Variants in CREM observed in about 807,000 individuals in gnomAD.
CREM encodes the protein cAMP-responsive element modulator.
CREM carries 13 observed loss-of-function variants against 37.3 expected under a neutral mutation model. The ratio of observed to expected loss-of-function variants is 0.35; its 90% confidence interval spans 0.23 to 0.55. The LOEUF is 0.55. CREM is among the 20% of genes least tolerant of loss of function. The pLI is 0.88. For synonymous variants in CREM, 124 were observed against 120.2 expected (o/e 1.03, Z -0.21); for missense variants, 296 against 362.3 (o/e 0.82, Z 1.49).
At chr10:35,163,711 C>T (rs2093403117) in intron 3 of CREM, among the ~76,000 whole-genome samples, 1 of 152,074 alleles carries the variant, frequency 6.6e-6, no homozygotes, top group Admixed American at 6.5e-5. Flanking sequence ...ATCCCAGCTA[C>T]TCGGGAGGCT....
intron 6 of CREM, among the ~76,000 whole-genome samples, chr10:35,201,245 A>G (rs2095374240): frequency 6.6e-6 from 1 of 152,182 alleles, no homozygotes; most frequent in South Asian, 2.1e-4. Flanking sequence ...GGGGAAATGT[A>G]TTTATGGATG....
rs1589084634 is a variant in CREM at position 35,126,985 on chromosome 10, G to C, written c.-263G>C. 6.6e-6 allele frequency: 1 copy of C among 152,506 alleles called. No individual in the cohort carries two copies. The highest frequency in any genetic ancestry group is 2.1e-4 in the South Asian group (1 of 4,840). 9.4% of individuals were successfully genotyped at this position (152,506 alleles called of 1,614,324 possible). A position where few individuals can be genotyped will look rare whatever the true frequency, so the allele number is the denominator to read the frequency against. On this transcript the variant is annotated 5_prime_UTR_variant, in exon 1 of 8. Transcript: ENST00000685392. ...AGGACGGGGCGGGAGGACGCGGTTC[G>C]GTCGGCTGCAGCGCTACTTTTGGTC...
At chr10:35,143,678 G>A (rs1240459296) in intron 2 of CREM, among the ~76,000 whole-genome samples, 1 of 152,176 alleles carries the variant, frequency 6.6e-6, no homozygotes, top group Non-Finnish European at 1.5e-5. Flanking sequence ...CTGGAGGTGA[G>A]TAGATGATTA....
In CREM at chr10:35,163,435, A is replaced by G. The variant is rs192135529; in HGVS notation, c.168+14944A>G. On this transcript the variant is annotated intron_variant, in intron 3 of 7. Coordinates refer to ENST00000685392, the MANE Select transcript of CREM (RefSeq NM_183011.2). ...ATGATGGCTCATGCCTGTAATCCCAACACTTTGGGAGGCCGAGATGAGATG... is the reference window on the plus strand; with the variant it reads ...ATGATGGCTCATGCCTGTAATCCCAGCACTTTGGGAGGCCGAGATGAGATG... 5.3e-5 allele frequency among the ~76,000 whole-genome samples: 8 copies of G among 151,398 alleles called. No homozygotes were observed. In the East Asian group the frequency reaches 1.4e-3, roughly 26 times the overall value.
At chr10:35,188,160 T>A in intron 5 of CREM, 40 bp from the exon 6 acceptor site, 1 of 1,556,292 alleles carries the variant, frequency 6.4e-7, no homozygotes, top group Non-Finnish European at 8.7e-7. Flanking sequence ...TAAAAATAAA[T>A]CTTGAAATTC....
chr10:35,202,670 T>C (rs888454976), intron 6 of CREM, among the ~76,000 whole-genome samples: 2 of 152,372 alleles, frequency 1.3e-5, no homozygotes, highest in South Asian at 2.1e-4. Flanking sequence ...TGGGATATTA[T>C]AGAAATTTAT....
At chr10:35,158,797 T>TG (rs1373390258) in intron 3 of CREM, among the ~76,000 whole-genome samples, 2 of 130,858 alleles carry the variant, frequency 1.5e-5, no homozygotes, top group Admixed American at 7.6e-5. Context: ...GCAAATATAG[T>TG]GTTTTTTTTT....
At chr10:35,170,129 A>AT (rs1031954914) in intron 3 of CREM, among the ~76,000 whole-genome samples, 5 of 151,440 alleles carry the variant, frequency 3.3e-5, no homozygotes, top group African/African-American at 4.8e-5. Context: ...CACCCGGCTA[A>AT]TTTTTTTTGT....
At chr10:35,176,801 C>T (rs571895287) in intron 3 of CREM, among the ~76,000 whole-genome samples, 2 of 152,098 alleles carry the variant, frequency 1.3e-5, no homozygotes, top group Admixed American at 6.5e-5. Flanking sequence ...ATTTTAAATT[C>T]GGTATACATA....
chr10:35,176,166 T>TAGCACAGC (rs1469519290), intron 3 of CREM, among the ~76,000 whole-genome samples: 1 of 152,224 alleles, frequency 6.6e-6, no homozygotes, highest in East Asian at 1.9e-4. Flanking sequence ...TGTGTCCTGC[T>TAGCACAGC]AGGTACGTAG....
intron 7 of CREM, chr10:35,210,389 A>G (rs2095639794): frequency 6.6e-6 from 1 of 152,196 alleles, no homozygotes; most frequent in Non-Finnish European, 1.5e-5. Flanking sequence ...TATGTATGAA[A>G]ATGACTAAGT....
chr10:35,157,677 C>T (rs1392096175), intron 3 of CREM, among the ~76,000 whole-genome samples: 1 of 150,174 alleles, frequency 6.7e-6, no homozygotes, highest in Non-Finnish European at 1.5e-5. Context: ...CCCATTTTTG[C>T]CACTTCTATT....
intron 3 of CREM, chr10:35,167,759 C>T (rs528766180): frequency 1.1e-5 from 17 of 1,613,764 alleles, no homozygotes; most frequent in African/African-American, 4.0e-5. Context: ...ATGTTTCAGG[C>T]GTCCTATAGA....
At chr10:35,185,860 CTT>C (rs769356003) in intron 5 of CREM, among the ~76,000 whole-genome samples, 1 of 152,192 alleles carries the variant, frequency 6.6e-6, no homozygotes, top group Admixed American at 6.5e-5. Flanking sequence ...ATGTGGAAGT[CTT>C]TTTAAAAATG....
At chr10:35,182,469 C>T (rs1340998168) in intron 5 of CREM, among the ~76,000 whole-genome samples, 2 of 151,642 alleles carry the variant, frequency 1.3e-5, no homozygotes, top group African/African-American at 4.8e-5. Context: ...ATGGCTTTCT[C>T]CCAAACTTTG....
intron 6 of CREM, among the ~76,000 whole-genome samples, chr10:35,205,696 C>T (rs2095502581): frequency 6.6e-6 from 1 of 152,200 alleles, no homozygotes; most frequent in African/African-American, 2.4e-5. Context: ...TGGTGGCTCA[C>T]GCCTGTAATC....
intron 1 of CREM, among the ~76,000 whole-genome samples, chr10:35,128,338 T>A (rs1427909272): frequency 1.3e-5 from 2 of 152,184 alleles, no homozygotes; most frequent in African/African-American, 4.8e-5. Context: ...CTTACGTACG[T>A]GACTCAGTTT....
chr10:35,206,771 T>G, intron 6 of CREM, 124 bp from the exon 7 acceptor site: 1 of 895,944 alleles, frequency 1.1e-6, no homozygotes, highest in Admixed American at 2.1e-5. Context: ...AGAATAATTA[T>G]CTTAAACATT....
chr10:35,126,859 G>A lies in CREM; in HGVS notation c.-389G>A, dbSNP rs748620115. 6.6e-6 allele frequency: 1 copy of A among 152,288 alleles called. No individual in the cohort carries two copies. Among genetic ancestry groups the A allele is most frequent in the Non-Finnish European group, 1.5e-5 (1 of 68,122 alleles). 9.4% of individuals were successfully genotyped at this position (152,288 alleles called of 1,614,324 possible). A position where few individuals can be genotyped will look rare whatever the true frequency, so the allele number is the denominator to read the frequency against. ...CGGTTCCATTTCATTGTTGGATTGT[G>A]GCGCTTCACTCCTGCTGGCGGCCGG... On this transcript the variant is annotated 5_prime_UTR_variant, in exon 1 of 8. Transcript: ENST00000685392.
Sources: allele counts gnomAD v4.1 joint callset (sites outside exome capture counted in the v4.1 genomes callset), GRCh38; gene constraint gnomAD v4.1.1; transcripts MANE v1.5; gene names NCBI Gene and HGNC (gene_info 2026-07-23, HGNC 2026-07-21).